Variants in TM9SF3 observed in about 807,000 individuals in gnomAD.
TM9SF3 encodes SM-11044-binding protein.
A neutral mutation model predicts 78.6 loss-of-function variants in TM9SF3; 14 were observed. That is an observed-to-expected ratio of 0.18 (90% CI 0.12 to 0.28). TM9SF3 has a LOEUF of 0.28. Among genes scored for constraint, TM9SF3 ranks in the 10% least tolerant of loss-of-function variants. TM9SF3 has a pLI of 1.00. For synonymous variants in TM9SF3, 231 were observed against 241.7 expected, an observed-to-expected ratio of 0.96 and a Z score of 0.41; for missense variants, 496 against 721.9, an observed-to-expected ratio of 0.69 and a Z score of 3.59.
In TM9SF3 at chr10:96,533,152, A is replaced by C; in HGVS notation, c.1224T>G (p.Pro408=). The change falls in exon 10 of 15, where the codon CCT becomes CCG. Residue 408 remains proline, a synonymous_variant. Transcript: ENST00000371142. ...VCCICFFVIL[P]LNLVGTILGR... is the part of the protein sequence containing the mutation. ...CAAGTATTGTACCAACAAGATTTAGAGGAAGAATAACAAAAAAACAGATGC... is the reference window on the plus strand; with the variant it reads ...CAAGTATTGTACCAACAAGATTTAGCGGAAGAATAACAAAAAAACAGATGC... 6.2e-7 allele frequency: 1 copy of C among 1,614,116 alleles called. No individual in the cohort carries two copies. Among genetic ancestry groups the C allele is most frequent in the Non-Finnish European group, 8.5e-7 (1 of 1,179,982 alleles).
chr10:96,543,459 T>C (rs750440791), intron 9 of TM9SF3: 25 of 151,632 alleles, frequency 1.6e-4, no homozygotes, highest in Non-Finnish European at 3.1e-4. Context: ...CTCAGCCTCC[T>C]GAATAGCTGG....
At chr10:96,545,328 T>C (rs1190105754) in intron 8 of TM9SF3, among the ~76,000 whole-genome samples, 1 of 152,188 alleles carries the variant, frequency 6.6e-6, no homozygotes, top group African/African-American at 2.4e-5. Context: ...TTCTGCTATA[T>C]AAAGTTCTTT....
At chr10:96,527,547 T>A in intron 12 of TM9SF3, 51 bp from the exon 13 acceptor site, 1 of 1,409,232 alleles carries the variant, frequency 7.1e-7, no homozygotes, top group Non-Finnish European at 9.8e-7. Context: ...TGAATGGCAC[T>A]AAAACAAAGA....
intron 9 of TM9SF3, among the ~76,000 whole-genome samples, chr10:96,538,985 A>T (rs1197075045): frequency 6.6e-6 from 1 of 152,352 alleles, no homozygotes; most frequent in South Asian, 2.1e-4. Flanking sequence ...CTACCATATG[A>T]CCCAGCCATT....
At chr10:96,577,867 A>G (rs1224858228) in intron 1 of TM9SF3, among the ~76,000 whole-genome samples, 1 of 152,142 alleles carries the variant, frequency 6.6e-6, no homozygotes, top group Non-Finnish European at 1.5e-5. Flanking sequence ...AGAAGAAGTG[A>G]TCCAACTGGC....
chr10:96,576,493 G>A, intron 2 of TM9SF3, 141 bp downstream of exon 2: 1 of 756,652 alleles, frequency 1.3e-6, no homozygotes, highest in East Asian at 3.2e-5. Flanking sequence ...TACAGGCCAG[G>A]GACTCTGCTA....
chr10:96,584,099 C>G (rs1848604233), intron 1 of TM9SF3, among the ~76,000 whole-genome samples: 1 of 152,132 alleles, frequency 6.6e-6, no homozygotes, highest in African/African-American at 2.4e-5. Flanking sequence ...AAAAGACATA[C>G]TAGGTATTAT....
At chr10:96,536,921 G>C (rs1156420727) in intron 9 of TM9SF3, among the ~76,000 whole-genome samples, 1 of 152,158 alleles carries the variant, frequency 6.6e-6, no homozygotes, top group Non-Finnish European at 1.5e-5. Flanking sequence ...TCAGCCTCCT[G>C]AATAACTGGG....
At chr10:96,582,823 T>TA (rs1330707860) in intron 1 of TM9SF3, among the ~76,000 whole-genome samples, 2 of 152,104 alleles carry the variant, frequency 1.3e-5, no homozygotes, top group African/African-American at 2.4e-5. Flanking sequence ...CTCACACCTA[T>TA]AATCCCAGCA....
chr10:96,528,139 T>G lies in TM9SF3; in HGVS notation c.1433A>C (p.Tyr478Ser). ...IFTSFWAYKI[Y>S]YVYGFMMLVL... ...CAGCATCATGAAGCCATAGACATAATAGATCTTATATGCCCAGAAAGACGT... is the reference window on the plus strand; with the variant it reads ...CAGCATCATGAAGCCATAGACATAAGAGATCTTATATGCCCAGAAAGACGT... Residue 478 changes from tyrosine (Y) to serine (S), a missense_variant, in exon 12 of 15, where the codon TAT (tyrosine) becomes TCT (serine). Tyr to Ser is a moderately radical substitution (Grantham distance 144). Coordinates refer to ENST00000371142, the MANE Select transcript of TM9SF3 (RefSeq NM_020123.4). 1 of 1,612,038 alleles carries G rather than the reference T, an allele frequency of 6.2e-7. No homozygotes were observed. Among genetic ancestry groups the G allele is most frequent in the Non-Finnish European group, 8.5e-7 (1 of 1,178,622 alleles).
At chr10:96,546,276 C>G (rs1004402888) in intron 8 of TM9SF3, among the ~76,000 whole-genome samples, 10 of 152,128 alleles carry the variant, frequency 6.6e-5, no homozygotes, top group Non-Finnish European at 1.5e-4. Flanking sequence ...AGGACACTAC[C>G]AATCAGAACA....
intron 11 of TM9SF3, among the ~76,000 whole-genome samples, chr10:96,529,980 A>G (rs1457362158): frequency 6.6e-6 from 1 of 152,228 alleles, no homozygotes; most frequent in African/African-American, 2.4e-5. Flanking sequence ...GACATAGACT[A>G]AGAAAAGAAA....
rs1013045403 is a variant in TM9SF3 at position 96,572,530 on chromosome 10, T to C, written c.298+4104A>G. On this transcript the variant is annotated intron_variant, in intron 2 of 14. Transcript: ENST00000371142. Reference sequence around the variant, plus strand: ...TTCTATATTTAACGCATTTTCTTTTTTTTTTTTTTTTTTTAAGACAGAGTC... The same window carrying C: ...TTCTATATTTAACGCATTTTCTTTTCTTTTTTTTTTTTTTAAGACAGAGTC... Among the ~76,000 whole-genome samples, 10 of 150,876 alleles carry C rather than the reference T, an allele frequency of 6.6e-5. No homozygotes were observed. In the East Asian group the frequency reaches 1.2e-3, roughly 18 times the overall value.
rs2134125816 is a variant in TM9SF3, at chr10:96,521,534, T to G, written c.*729A>C. ...AACACTTTGCTTTCTAACTGTACAG[T>G]AAATTGCATTGTAGAGAGTACACTT... is the stretch of plus-strand genomic sequence containing the variant. On this transcript the variant is annotated 3_prime_UTR_variant, in exon 15 of 15. Coordinates refer to ENST00000371142, the MANE Select transcript of TM9SF3 (RefSeq NM_020123.4). The G allele has an allele frequency of 6.6e-6, 1 of 152,490 alleles. No individual in the cohort carries two copies. Among genetic ancestry groups the G allele is most frequent in the East Asian group, 1.9e-4 (1 of 5,180 alleles). 9.4% of individuals were successfully genotyped at this position (152,490 alleles called of 1,614,324 possible).
intron 9 of TM9SF3, among the ~76,000 whole-genome samples, chr10:96,536,273 A>G (rs1280877084): frequency 6.6e-6 from 1 of 152,148 alleles, no homozygotes; most frequent in Non-Finnish European, 1.5e-5. Flanking sequence ...TCTGCTCTTG[A>G]CACTTCTATT....
intron 12 of TM9SF3, 108 bp downstream of exon 12, chr10:96,527,923 G>T: frequency 8.9e-7 from 1 of 1,119,990 alleles, no homozygotes; most frequent in South Asian, 2.2e-5. Flanking sequence ...GCTATTTTAA[G>T]TAACAACATT....
At chr10:96,572,999 C>T (rs886142388) in intron 2 of TM9SF3, among the ~76,000 whole-genome samples, 1 of 151,978 alleles carries the variant, frequency 6.6e-6, no homozygotes, top group African/African-American at 2.4e-5. Flanking sequence ...ATCCATGGAG[C>T]CTGACACAGT....
chr10:96,527,201 T>C lies in TM9SF3; in HGVS notation c.1702+12A>G. 1 of 1,602,318 alleles carries C rather than the reference T, an allele frequency of 6.2e-7. No individual in the cohort carries two copies. Among genetic ancestry groups the C allele is most frequent in the Non-Finnish European group, 8.5e-7 (1 of 1,174,538 alleles). Reference sequence around the variant, plus strand: ...GATTTACTCATGATGTTCAAAGAATTTCAAAACTTACCACACATTATCCCC... The same window carrying C: ...GATTTACTCATGATGTTCAAAGAATCTCAAAACTTACCACACATTATCCCC... On this transcript the variant is annotated intron_variant, in intron 14 of 14. Transcript: ENST00000371142.
intron 6 of TM9SF3, among the ~76,000 whole-genome samples, chr10:96,552,136 T>C (rs750107169): frequency 6.6e-6 from 1 of 152,090 alleles, no homozygotes; most frequent in Non-Finnish European, 1.5e-5. Context: ...TATACCCTAG[T>C]ATATTAAAAT....
Sources: gnomAD v4.1 joint callset for allele counts (sites outside exome capture counted in the v4.1 genomes callset) on GRCh38, gnomAD v4.1.1 for gene constraint, MANE v1.5 for transcripts, NCBI Gene and HGNC (gene_info 2026-07-23, HGNC 2026-07-21) for gene names.